Variants in HIVEP2 observed in about 807,000 individuals in gnomAD.
HIVEP2 encodes HIVEP zinc finger 2, also known as transcription factor HIVEP2.
A neutral mutation model predicts 180.7 loss-of-function variants in HIVEP2; 14 were observed. That is an observed-to-expected ratio of 0.08 (90% CI 0.05 to 0.12). HIVEP2 has a LOEUF of 0.12. Among genes scored for constraint, HIVEP2 ranks in the 10% least tolerant of loss-of-function variants. The pLI, the probability that HIVEP2 is intolerant of heterozygous loss-of-function variation, is 1.00. For synonymous variants in HIVEP2, 1,184 were observed against 1,136.4 expected (o/e 1.04, Z -0.84); for missense variants, 2,579 against 3,008.5 (o/e 0.86, Z 3.34).
chr6:142,817,797 T>C (rs988518989), intron 2 of HIVEP2, among the ~76,000 whole-genome samples: 4 of 152,082 alleles, frequency 2.6e-5, no homozygotes, highest in African/African-American at 9.7e-5. Context: ...AGCAGGGGGA[T>C]AGCCTGAGGT....
chr6:142,896,247 C>T (rs1383334427), intron 1 of HIVEP2, among the ~76,000 whole-genome samples: 2 of 152,146 alleles, frequency 1.3e-5, no homozygotes, highest in African/African-American at 4.8e-5. Flanking sequence ...CTTATGGAGA[C>T]ACCCAGTTCC....
rs527353848 is a variant in HIVEP2 at position 142,829,266 on chromosome 6, C to T, written c.-528+7669G>A. 7.9e-5 allele frequency among the ~76,000 whole-genome samples: 12 copies of T among 152,244 alleles called. No homozygotes were observed. The South Asian group carries it at 1.9e-3, about 24-fold the overall frequency. ...TTCCTCTTCTTTCATGTCTCCTCTTCGCTTACCAATGTTATGTTCCAAACA... is the reference window on the plus strand; with the variant it reads ...TTCCTCTTCTTTCATGTCTCCTCTTTGCTTACCAATGTTATGTTCCAAACA... On this transcript the variant is annotated intron_variant, in intron 2 of 9. Coordinates refer to ENST00000367603, the MANE Select transcript of HIVEP2 (RefSeq NM_006734.4).
At chr6:142,882,492 T>C (rs1041617186) in intron 1 of HIVEP2, among the ~76,000 whole-genome samples, 5 of 151,968 alleles carry the variant, frequency 3.3e-5, no homozygotes, top group African/African-American at 1.2e-4. Context: ...TGAGCACCTG[T>C]AGTCCTAGCT....
intron 1 of HIVEP2, among the ~76,000 whole-genome samples, chr6:142,885,331 C>T (rs1776668583): frequency 1.3e-5 from 2 of 151,986 alleles, no homozygotes; most frequent in Admixed American, 6.6e-5. Context: ...CCTCCTTCTC[C>T]CTCCCCTTTC....
chr6:142,780,376 T>C (rs1300348870), intron 3 of HIVEP2, among the ~76,000 whole-genome samples: 1 of 152,222 alleles, frequency 6.6e-6, no homozygotes, highest in African/African-American at 2.4e-5. Context: ...ATTAGGGAAC[T>C]AGAAATCATG....
chr6:142,773,617 T>C lies in HIVEP2; in HGVS notation c.1122A>G (p.Ser374=). ...GCTCAGAATCTTGTCCTTTTTTCTC[T>C]GACAGTCTTAGTGCAAGTTTCTGTT... The part of the protein sequence containing the change: ...TVKQKLALRL[S]EKKGQDSEPS... Residue 374 remains serine (S), a synonymous_variant, in exon 5 of 10, where the codon TCA becomes TCG. Coordinates refer to ENST00000367603, the MANE Select transcript of HIVEP2 (RefSeq NM_006734.4). 1 of 1,614,202 alleles carries C rather than the reference T, an allele frequency of 6.2e-7. No individual in the cohort carries two copies.
At chr6:142,872,140 C>T (rs1776302703) in intron 1 of HIVEP2, among the ~76,000 whole-genome samples, 1 of 152,130 alleles carries the variant, frequency 6.6e-6, no homozygotes, top group African/African-American at 2.4e-5. Flanking sequence ...AATGGGGACA[C>T]TGTGAAACCA....
Position 142,771,219 on chromosome 6 carries a change from G to C in HIVEP2, c.3520C>G (p.Pro1174Ala). The C allele has an allele frequency of 3.1e-6, 5 of 1,614,198 alleles. 1 individual carries two copies. The South Asian group carries it at 5.5e-5, about 18-fold the overall frequency. ...TGCTTGCTTGTCATATAGGATGTTG[G>C]TTGGATCAAGGGATTTCTCAAAGAT... ...QESLRNPLIQ[P>A]TSYMTSKHLP... The change falls in exon 5 of 10, where the codon CCA becomes GCA. Residue 1174 changes from proline (P) to alanine (A), a missense_variant. Physicochemically the swap from Pro to Ala is conservative, Grantham distance 27. Around this residue, in one of 11 missense-constraint regions of HIVEP2, gnomAD observed 523 missense variants for 577.0 expected, o/e 0.91. Coordinates refer to ENST00000367603, the MANE Select transcript of HIVEP2 (RefSeq NM_006734.4). This position sits in a 1 kb window ranked among gnomAD's most constrained non-coding sequence, Gnocchi z 5.4.
rs535328821 is a variant in HIVEP2 at position 142,838,849 on chromosome 6, C to T, written c.-640-1802G>A. On this transcript the variant is annotated intron_variant, in intron 1 of 9. Coordinates refer to ENST00000367603, the MANE Select transcript of HIVEP2 (RefSeq NM_006734.4). ...TTCTAAAATTATGTAATTCTTGCCT[C>T]GTAAGAGGTCTTCCATTTCCTAAGA... is the stretch of plus-strand genomic sequence containing the variant. Among the ~76,000 whole-genome samples the T allele has an allele frequency of 4.1e-4, 62 of 152,220 alleles. 1 individual carries two copies. The highest frequency in any genetic ancestry group is 1.3e-3 in the African/African-American group (56 of 41,540).
At chr6:142,864,634 A>G (rs140649614) in intron 1 of HIVEP2, among the ~76,000 whole-genome samples, 98 of 152,342 alleles carry the variant, frequency 6.4e-4, no homozygotes, top group Non-Finnish European at 8.7e-4. Context: ...ACTTGAAGCT[A>G]TATACATTTG....
chr6:142,930,640 C>A (rs1272597742), intron 1 of HIVEP2, among the ~76,000 whole-genome samples: 2 of 152,092 alleles, frequency 1.3e-5, no homozygotes, highest in East Asian at 3.9e-4. Flanking sequence ...TCAATATATT[C>A]TCAGATGGAA....
chr6:142,886,445 T>C (rs1776700278), intron 1 of HIVEP2, among the ~76,000 whole-genome samples: 1 of 152,196 alleles, frequency 6.6e-6, no homozygotes, highest in Non-Finnish European at 1.5e-5. Context: ...AACTTTCATA[T>C]CAGAAAATGC....
intron 1 of HIVEP2, among the ~76,000 whole-genome samples, chr6:142,929,665 G>A (rs1433265349): frequency 6.6e-6 from 1 of 152,130 alleles, no homozygotes; most frequent in Non-Finnish European, 1.5e-5. Context: ...AACCTAAGAA[G>A]ATATATTATT....
At chr6:142,783,178 A>T (rs1775897964) in intron 3 of HIVEP2, among the ~76,000 whole-genome samples, 1 of 152,020 alleles carries the variant, frequency 6.6e-6, no homozygotes, top group Non-Finnish European at 1.5e-5. Flanking sequence ...AAATACAAAA[A>T]TTAGCCGGGC....
At chr6:142,812,011 A>C (rs992598302) in intron 2 of HIVEP2, among the ~76,000 whole-genome samples, 1 of 152,204 alleles carries the variant, frequency 6.6e-6, no homozygotes, top group African/African-American at 2.4e-5. Context: ...GGTGAACTCT[A>C]CAATTGCCCC....
chr6:142,873,341 G>C (rs1358741177), intron 1 of HIVEP2, among the ~76,000 whole-genome samples: 2 of 152,086 alleles, frequency 1.3e-5, no homozygotes, highest in Non-Finnish European at 1.5e-5. Context: ...CAAAAGAAGT[G>C]GATACCTTAA....
At chr6:142,906,237 A>T (rs1056956713) in intron 1 of HIVEP2, among the ~76,000 whole-genome samples, 3 of 152,328 alleles carry the variant, frequency 2.0e-5, no homozygotes, top group Admixed American at 6.5e-5. Flanking sequence ...CCAGAAACAG[A>T]TAATCTAGAT....
intron 1 of HIVEP2, among the ~76,000 whole-genome samples, chr6:142,860,502 C>A (rs1775948291): frequency 6.6e-6 from 1 of 152,124 alleles, no homozygotes; most frequent in Non-Finnish European, 1.5e-5. Context: ...AATTTTACAA[C>A]TCACCATAAT....
intron 1 of HIVEP2, among the ~76,000 whole-genome samples, chr6:142,881,043 A>G (rs1776564423): frequency 6.6e-6 from 1 of 152,194 alleles, no homozygotes; most frequent in Non-Finnish European, 1.5e-5. Flanking sequence ...TTTTTATCTT[A>G]TGCTTTATGG....
Sources: allele counts gnomAD v4.1 joint callset (sites outside exome capture counted in the v4.1 genomes callset), GRCh38; gene constraint gnomAD v4.1.1; regional missense constraint gnomAD v4.1.1; non-coding constraint Gnocchi (gnomAD v3.1); transcripts MANE v1.5; gene names NCBI Gene and HGNC (gene_info 2026-07-23, HGNC 2026-07-21).